Variants in SLC71A2 observed in about 807,000 individuals in gnomAD.
The protein encoded by SLC71A2 is solute carrier family 71 member 2.
At chr9:94,456,864 C>T in the SLC71A2 span, among the ~76,000 whole-genome samples, 1 of 152,078 alleles carries the variant, frequency 6.6e-6, no homozygotes, top group African/African-American at 2.4e-5. Flanking sequence ...AGCATTCTAC[C>T]ATCTAGATCC....
the SLC71A2 span, among the ~76,000 whole-genome samples, chr9:94,415,799 G>A: frequency 3.3e-5 from 5 of 152,118 alleles, no homozygotes; most frequent in Non-Finnish European, 5.9e-5. Context: ...GGTAATGCTC[G>A]CTCGCCTGCT....
chr9:94,457,720 G>A, the SLC71A2 span, among the ~76,000 whole-genome samples: 8 of 152,194 alleles, frequency 5.3e-5, no homozygotes, highest in African/African-American at 9.7e-5. Flanking sequence ...CAATATACAT[G>A]TTTCTGAATG....
chr9:94,406,887 ATTTC>A, the SLC71A2 span, among the ~76,000 whole-genome samples: 1 of 147,660 alleles, frequency 6.8e-6, no homozygotes, highest in South Asian at 2.1e-4. Context: ...TTTGGATGCC[ATTTC>A]TTTCTTTTTC....
the SLC71A2 span, chr9:94,445,261 C>G: frequency 8.6e-7 from 1 of 1,157,468 alleles, no homozygotes; most frequent in South Asian, 1.4e-5. Flanking sequence ...TGTGCAGCCT[C>G]AAGGATCCTA....
the SLC71A2 span, among the ~76,000 whole-genome samples, chr9:94,414,639 G>A: frequency 2.0e-5 from 3 of 152,086 alleles, no homozygotes; most frequent in Non-Finnish European, 4.4e-5. Flanking sequence ...GATTTGCGTC[G>A]ATGGGATAGA....
At chr9:94,379,386 CTTTT>C in the SLC71A2 span, among the ~76,000 whole-genome samples, 6 of 127,646 alleles carry the variant, frequency 4.7e-5, no homozygotes, top group African/African-American at 6.1e-5. Context: ...GCGCCTGGCC[CTTTT>C]TTTTTTTTTT....
At chr9:94,414,368 C>G in the SLC71A2 span, among the ~76,000 whole-genome samples, 1 of 152,134 alleles carries the variant, frequency 6.6e-6, no homozygotes, top group African/African-American at 2.4e-5. Context: ...TTATTGCACA[C>G]TTTTCATCCT....
the SLC71A2 span, chr9:94,445,119 T>C: frequency 1.2e-6 from 2 of 1,614,016 alleles, no homozygotes; most frequent in Middle Eastern, 1.6e-4. Context: ...AATCTCTGCC[T>C]GAGAAAATGA....
At chr9:94,425,800 T>C in the SLC71A2 span, among the ~76,000 whole-genome samples, 108 of 152,262 alleles carry the variant, frequency 7.1e-4, no homozygotes, top group African/African-American at 2.2e-3. Context: ...TTACTGTCTT[T>C]GTTTTAAAAA....
the SLC71A2 span, among the ~76,000 whole-genome samples, chr9:94,439,625 A>G: frequency 1.3e-5 from 2 of 151,192 alleles, no homozygotes; most frequent in Non-Finnish European, 2.9e-5. Flanking sequence ...ATCACATTCT[A>G]AATTTATTGG....
the SLC71A2 span, among the ~76,000 whole-genome samples, chr9:94,405,498 C>CA: frequency 0.12 from 6,951 of 59,256 alleles, 258 homozygotes; most frequent in Middle Eastern, 0.23. Flanking sequence ...GACTCCGTCT[C>CA]AAAAAAAAAA....
At chr9:94,442,267 A>C in the SLC71A2 span, among the ~76,000 whole-genome samples, 1 of 152,226 alleles carries the variant, frequency 6.6e-6, no homozygotes, top group Admixed American at 6.5e-5. Flanking sequence ...TTCCTGAATC[A>C]ATGATGGGCA....
chr9:94,444,112 A>C, the SLC71A2 span, among the ~76,000 whole-genome samples: 1 of 152,216 alleles, frequency 6.6e-6, no homozygotes, highest in Non-Finnish European at 1.5e-5. Flanking sequence ...AATCCATTAG[A>C]AGTTTAAAAA....
the SLC71A2 span, among the ~76,000 whole-genome samples, chr9:94,444,217 A>G: frequency 6.6e-6 from 1 of 152,210 alleles, no homozygotes; most frequent in African/African-American, 2.4e-5. Flanking sequence ...TCTAAAATAA[A>G]GTGGACATTC....
At chr9:94,425,268 C>T in the SLC71A2 span, among the ~76,000 whole-genome samples, 2 of 152,154 alleles carry the variant, frequency 1.3e-5, no homozygotes, top group Admixed American at 6.5e-5. Context: ...CGTGCCACTG[C>T]ACCTGAGCCT....
the SLC71A2 span, among the ~76,000 whole-genome samples, chr9:94,397,117 C>A: frequency 1.3e-5 from 2 of 152,068 alleles, no homozygotes; most frequent in African/African-American, 2.4e-5. Context: ...TTCTTTTTCT[C>A]CTTCAGGATG....
chr9:94,411,985 T>A, the SLC71A2 span, among the ~76,000 whole-genome samples: 13 of 152,226 alleles, frequency 8.5e-5, no homozygotes, highest in South Asian at 2.7e-3. Context: ...AAAGGGTAAA[T>A]ATGTAATTTG....
At chr9:94,392,163 A>G in the SLC71A2 span, among the ~76,000 whole-genome samples, 1 of 151,058 alleles carries the variant, frequency 6.6e-6, no homozygotes, top group East Asian at 1.9e-4. Context: ...CATAAGATTG[A>G]AAGAGAGCAG....
chr9:94,458,209 T>C, the SLC71A2 span: 1 of 786,874 alleles, frequency 1.3e-6, no homozygotes. Flanking sequence ...GCTTTCTCTT[T>C]TCCTCAGTCT....
Sources: gnomAD v4.1 joint callset for allele counts (sites outside exome capture counted in the v4.1 genomes callset) on GRCh38, gnomAD v4.1.1 for gene constraint, MANE v1.5 for transcripts, NCBI Gene and HGNC (gene_info 2026-07-23, HGNC 2026-07-21) for gene names.